The following CTNND2 variants were observed in gnomAD, a reference collection of about 807,000 sequenced individuals.
CTNND2 encodes the protein catenin delta 2, also known as catenin delta-2.
A neutral mutation model predicts 144.4 loss-of-function variants in CTNND2; 22 were observed. That is an observed-to-expected ratio of 0.15 (90% CI 0.11 to 0.22). CTNND2 has a LOEUF of 0.22. Ranked by LOEUF, CTNND2 falls within the 10% of genes least tolerant of loss-of-function variation. CTNND2 has a pLI of 1.00. For missense variants in CTNND2, 1,353 were observed against 1,618.8 expected, an observed-to-expected ratio of 0.84 and a Z score of 2.82; for synonymous variants, 751 against 695.6, an observed-to-expected ratio of 1.08 and a Z score of -1.25.
At chr5:11,807,907 A>T (rs1792095832) in intron 1 of CTNND2, among the ~76,000 whole-genome samples, 1 of 152,184 alleles carries the variant, frequency 6.6e-6, no homozygotes, top group Non-Finnish European at 1.5e-5. Context: ...TAGGTTATGT[A>T]CTGTTCATAA....
chr5:11,485,372 TGTGC>T lies in CTNND2; in HGVS notation c.288-73307_288-73304del, dbSNP rs762580247. On this transcript the variant is annotated intron_variant, in intron 3 of 21. Transcript: ENST00000304623. ...GTGTGTGTGTGTGTGTGTGTGTGTG[TGTGC>T]GCGCGCGCGCGTGCGCGCGCACATT... Among the ~76,000 whole-genome samples, 235 of 125,796 alleles carry T rather than the reference TGTGC, an allele frequency of 1.9e-3. 2 individuals are homozygous for T. Among genetic ancestry groups the T allele is most frequent in the Middle Eastern group, 0.012 (3 of 246 alleles). The allele number at this position is 125,796 out of a possible 152,430, so 82.5% of individuals were successfully genotyped here.
At chr5:11,662,152 T>C (rs537953901) in intron 2 of CTNND2, among the ~76,000 whole-genome samples, 6 of 145,216 alleles carry the variant, frequency 4.1e-5, no homozygotes, top group Non-Finnish European at 7.5e-5. Context: ...TATACACATA[T>C]ATATGTGTAT....
At chr5:11,364,010 T>A (rs551464059) in intron 8 of CTNND2, among the ~76,000 whole-genome samples, 2 of 152,366 alleles carry the variant, frequency 1.3e-5, no homozygotes, top group East Asian at 3.9e-4. Flanking sequence ...GGAGTTAAGA[T>A]AAGTGTTCTC....
intron 2 of CTNND2, among the ~76,000 whole-genome samples, chr5:11,673,027 C>A (rs1014032361): frequency 1.5e-4 from 23 of 152,162 alleles, no homozygotes; most frequent in Non-Finnish European, 7.3e-5. Context: ...CTGGGAGCTG[C>A]AGACCGGAGC....
intron 5 of CTNND2, among the ~76,000 whole-genome samples, chr5:11,400,346 A>G (rs1458567527): frequency 1.3e-5 from 2 of 152,324 alleles, no homozygotes; most frequent in East Asian, 3.9e-4. Context: ...ACTGTGAGCA[A>G]CAGCGGATCA....
chr5:11,524,052 T>G (rs1405311526), intron 3 of CTNND2, among the ~76,000 whole-genome samples: 3 of 152,198 alleles, frequency 2.0e-5, no homozygotes, highest in African/African-American at 7.2e-5. Context: ...AAAAAAGGCC[T>G]TCTAGGGCTG....
intron 9 of CTNND2, among the ~76,000 whole-genome samples, chr5:11,324,019 C>T (rs1269225787): frequency 1.3e-5 from 2 of 152,026 alleles, no homozygotes; most frequent in Non-Finnish European, 2.9e-5. Context: ...GGAGGGAACT[C>T]GATGGACACT....
intron 3 of CTNND2, among the ~76,000 whole-genome samples, chr5:11,527,732 G>A (rs1354515251): frequency 2.0e-5 from 3 of 152,118 alleles, no homozygotes; most frequent in African/African-American, 7.2e-5. Context: ...ATATAAACCT[G>A]TCTTCTAAAT....
intron 3 of CTNND2, among the ~76,000 whole-genome samples, chr5:11,464,497 G>T (rs1766490814): frequency 1.3e-5 from 2 of 152,120 alleles, no homozygotes; most frequent in African/African-American, 4.8e-5. Context: ...GGGCAACAGG[G>T]CTCCAGACAA....
chr5:11,062,988 G>T (rs1747168383), intron 16 of CTNND2, among the ~76,000 whole-genome samples: 1 of 152,114 alleles, frequency 6.6e-6, no homozygotes, highest in South Asian at 2.1e-4. Context: ...TCTTCAACGG[G>T]GCAGTTTCCA....
intron 9 of CTNND2, among the ~76,000 whole-genome samples, chr5:11,270,142 C>A (rs1200787606): frequency 6.6e-6 from 1 of 152,084 alleles, no homozygotes; most frequent in African/African-American, 2.4e-5. Flanking sequence ...AGAATTAGTT[C>A]CTTGTAGAAG....
intron 12 of CTNND2, among the ~76,000 whole-genome samples, chr5:11,146,136 T>A (rs138779046): frequency 1.0e-3 from 123 of 122,454 alleles, no homozygotes; most frequent in African/African-American, 3.6e-3. Flanking sequence ...TCCTCTTCTG[T>A]TAAAACACAA....
chr5:11,171,355 A>T (rs1176633222), intron 11 of CTNND2, among the ~76,000 whole-genome samples: 1 of 152,228 alleles, frequency 6.6e-6, no homozygotes, highest in Non-Finnish European at 1.5e-5. Flanking sequence ...TTTCTTACAG[A>T]CATTCTAATA....
chr5:11,776,936 G>T (rs1790287131), intron 1 of CTNND2, among the ~76,000 whole-genome samples: 1 of 152,006 alleles, frequency 6.6e-6, no homozygotes, highest in South Asian at 2.1e-4. Flanking sequence ...TATACTACTG[G>T]ACATCCACAC....
chr5:11,084,733 A>T (rs1749954058), intron 15 of CTNND2, among the ~76,000 whole-genome samples: 1 of 152,040 alleles, frequency 6.6e-6, no homozygotes, highest in African/African-American at 2.4e-5. Flanking sequence ...CGACTGGCTT[A>T]TATATTTGAG....
At chr5:11,138,309 T>A (rs748121947) in intron 12 of CTNND2, among the ~76,000 whole-genome samples, 1 of 152,212 alleles carries the variant, frequency 6.6e-6, no homozygotes, top group Non-Finnish European at 1.5e-5. Context: ...CCCCTTCTCA[T>A]GGTTCTTAAC....
intron 1 of CTNND2, among the ~76,000 whole-genome samples, chr5:11,769,547 A>G (rs927845216): frequency 6.6e-6 from 1 of 152,182 alleles, no homozygotes; most frequent in Non-Finnish European, 1.5e-5. Context: ...TAAAAATGGC[A>G]ATTTATTCTA....
intron 2 of CTNND2, among the ~76,000 whole-genome samples, chr5:11,600,641 G>A (rs1779738567): frequency 6.7e-6 from 1 of 149,710 alleles, no homozygotes; most frequent in Non-Finnish European, 1.5e-5. Flanking sequence ...GGGAGGCAGA[G>A]GTTCCAATAA....
intron 9 of CTNND2, among the ~76,000 whole-genome samples, chr5:11,292,215 A>G (rs1414132702): frequency 1.3e-5 from 2 of 152,172 alleles, no homozygotes; most frequent in East Asian, 3.9e-4. Flanking sequence ...TCTTTGCCCA[A>G]CTAAAATTCA....
Sources: gnomAD v4.1 joint callset for allele counts (sites outside exome capture counted in the v4.1 genomes callset) on GRCh38, gnomAD v4.1.1 for gene constraint, MANE v1.5 for transcripts, NCBI Gene and HGNC (gene_info 2026-07-23, HGNC 2026-07-21) for gene names.